ABCC1: variants seen among roughly 807,000 people sequenced by gnomAD.
ABCC1 encodes multidrug resistance-associated protein 1.
Under a neutral mutation model 172.9 loss-of-function variants are expected in ABCC1, and 83 were observed. That is an observed-to-expected ratio of 0.48 (90% confidence interval 0.40 to 0.58). ABCC1 has a LOEUF of 0.58. Among genes scored for constraint, ABCC1 ranks in the 20% least tolerant of loss-of-function variants. The pLI, the probability that ABCC1 is intolerant of heterozygous loss-of-function variation, is 0.00. For missense variants in ABCC1, 1,817 were observed against 2,002.7 expected (o/e 0.91, Z 1.77); for synonymous variants, 937 against 825.2 (o/e 1.14, Z -2.32).
At chr16:16,123,971 C>G (rs979420103) in intron 24 of ABCC1, among the ~76,000 whole-genome samples, 1 of 152,160 alleles carries the variant, frequency 6.6e-6, no homozygotes, top group African/African-American at 2.4e-5. Context: ...GAGCTGTGAT[C>G]ATGTCATCCA....
chr16:16,094,001 T>A (rs962840348), intron 19 of ABCC1, among the ~76,000 whole-genome samples: 10 of 120,540 alleles, frequency 8.3e-5, no homozygotes, highest in Admixed American at 1.7e-4. Context: ...TTTTTTTTTT[T>A]AACTTTTAAT....
intron 19 of ABCC1, among the ~76,000 whole-genome samples, chr16:16,101,815 T>C (rs1800528390): frequency 6.6e-6 from 1 of 152,232 alleles, no homozygotes; most frequent in Admixed American, 6.5e-5. Flanking sequence ...TTGTCATTGT[T>C]GATGTTCCGG....
chr16:16,043,365 C>G (rs1320766674), intron 7 of ABCC1, among the ~76,000 whole-genome samples: 1 of 151,082 alleles, frequency 6.6e-6, no homozygotes, highest in African/African-American at 2.4e-5. Context: ...ATGGTGTGGT[C>G]TCAGCTCACC....
intron 1 of ABCC1, among the ~76,000 whole-genome samples, chr16:15,974,186 A>T (rs1436935884): frequency 1.3e-5 from 2 of 152,160 alleles, no homozygotes; most frequent in Non-Finnish European, 2.9e-5. Context: ...CTTGGTGACC[A>T]CATGCTTTGG....
At chr16:16,010,228 A>G (rs2047727429) in intron 3 of ABCC1, among the ~76,000 whole-genome samples, 1 of 151,030 alleles carries the variant, frequency 6.6e-6, no homozygotes, top group African/African-American at 2.4e-5. Flanking sequence ...CTAATTTTAA[A>G]TTTTTCTGTA....
intron 12 of ABCC1, among the ~76,000 whole-genome samples, chr16:16,064,209 C>T (rs1223620235): frequency 6.6e-6 from 1 of 152,160 alleles, no homozygotes; most frequent in East Asian, 1.9e-4. Flanking sequence ...GGGACAGGTG[C>T]TCCTCACTGT....
At chr16:16,102,536 C>G (rs1213536250) in intron 19 of ABCC1, 91 bp from the exon 20 acceptor site, 2 of 1,163,078 alleles carry the variant, frequency 1.7e-6, no homozygotes, top group African/African-American at 3.1e-5. Flanking sequence ...GCTCTGTGGT[C>G]TCCTCACTGA....
chr16:16,039,269 T>TTTC (rs1376972857), intron 7 of ABCC1, among the ~76,000 whole-genome samples: 1,107 of 109,408 alleles, frequency 0.01, 30 homozygotes, highest in African/African-American at 0.049. Context: ...GTGTTTTCTT[T>TTTC]TTTTTTTTTT....
At position 16,106,633 on chromosome 16, in the gene ABCC1, C is replaced by T. The variant is rs1164573037; in HGVS notation, c.2736-105C>T. The stretch of plus-strand genomic sequence containing the variant: ...ATGTGTGCATGTGGAAACACTCCGT[C>T]TCTTATGCCATGGTTCAGACCCACA... On this transcript the variant is annotated intron_variant, in intron 20 of 30. Coordinates refer to ENST00000399410, the MANE Select transcript of ABCC1 (RefSeq NM_004996.4). 15 of 1,407,038 alleles carry T rather than the reference C, an allele frequency of 1.1e-5. 1 individual carries two copies. The East Asian group carries it at 1.4e-4, about 13-fold the overall frequency. 87.2% of individuals were successfully genotyped at this position (1,407,038 alleles called of 1,614,324 possible).
In ABCC1 at chr16:15,975,963, A is replaced by G. The variant is rs2046482368; in HGVS notation, c.48+26164A>G. Among the ~76,000 whole-genome samples the G allele has an allele frequency of 2.0e-5, 3 of 152,222 alleles. No homozygotes were observed. In the South Asian group the frequency reaches 6.2e-4, roughly 32 times the overall value. On this transcript the variant is annotated intron_variant, in intron 1 of 30. Transcript: ENST00000399410. ...GGGAAATGACAGGTAGGAGAGAAAG[A>G]GACACTTAGAACTCAACAGAGGCCA...
Position 16,007,895 on chromosome 16 carries a change from GTT to G in ABCC1, c.132_133del (p.Phe44LeufsTer17). Reference sequence around the variant, plus strand: ...AACACGGTCCTCGTGTGGGTGCCTTGTTTTTACCTCTGGGCCTGTTTCCCCTT... The same window carrying G: ...AACACGGTCCTCGTGTGGGTGCCTTGTTTACCTCTGGGCCTGTTTCCCCTT... On this transcript the variant is annotated frameshift_variant, in exon 2 of 31. Coordinates refer to ENST00000399410, the MANE Select transcript of ABCC1 (RefSeq NM_004996.4). LOFTEE classifies it high-confidence loss of function. The G allele has an allele frequency of 6.2e-7, 1 of 1,613,586 alleles. No homozygotes were observed.
At chr16:16,081,026 C>A (rs1401695832) in intron 16 of ABCC1, among the ~76,000 whole-genome samples, 1 of 152,116 alleles carries the variant, frequency 6.6e-6, no homozygotes, top group Non-Finnish European at 1.5e-5. Flanking sequence ...CATTACTGCA[C>A]CCGGCTAATT....
intron 14 of ABCC1, 27 bp downstream of exon 14, chr16:16,071,756 T>C (rs1273224131): frequency 6.3e-7 from 1 of 1,599,748 alleles, no homozygotes; most frequent in Middle Eastern, 1.7e-4. Flanking sequence ...TCCTGGCTTC[T>C]GGAAGTGGCC....
In ABCC1 at chr16:16,044,686, ACC is replaced by A; in HGVS notation, c.1040+9_1040+10del. On this transcript the variant is annotated splice_region_variant and intron_variant, in intron 8 of 30. Transcript: ENST00000399410. Reference sequence around the variant, plus strand: ...TCCGGGCCGCAGATCTTAAAGTAAGACCCCTTCCCTCCCAGGTGGGCTCCATT... The same window carrying A: ...TCCGGGCCGCAGATCTTAAAGTAAGACCTTCCCTCCCAGGTGGGCTCCATT... 1 of 1,611,652 alleles carries A rather than the reference ACC, an allele frequency of 6.2e-7. No individual in the cohort carries two copies. The highest frequency in any genetic ancestry group is 1.3e-5 in the African/African-American group (1 of 74,790).
chr16:16,026,918 A>G (rs774192664), intron 5 of ABCC1, among the ~76,000 whole-genome samples: 5 of 152,142 alleles, frequency 3.3e-5, no homozygotes, highest in Non-Finnish European at 5.9e-5. Flanking sequence ...CTCAGTCTCA[A>G]AACACAAAAA....
intron 21 of ABCC1, among the ~76,000 whole-genome samples, chr16:16,110,143 T>C (rs1401548101): frequency 6.6e-6 from 1 of 151,852 alleles, no homozygotes; most frequent in African/African-American, 2.4e-5. Flanking sequence ...TCTCCCTCTG[T>C]CACCCAGGCT....
chr16:15,997,267 A>G (rs1597088380), intron 1 of ABCC1, among the ~76,000 whole-genome samples: 1 of 151,818 alleles, frequency 6.6e-6, no homozygotes, highest in East Asian at 1.9e-4. Context: ...ATTTTTTTGT[A>G]TTTTTAGTAG....
chr16:15,998,136 C>T lies in ABCC1; in HGVS notation c.49-9680C>T, dbSNP rs1035796461. ...TGCGCCCAGTCCCGATACTTTGTTTCTTTGAGACAGTCTCTTACTCTGTCA... is the reference window on the plus strand; with the variant it reads ...TGCGCCCAGTCCCGATACTTTGTTTTTTTGAGACAGTCTCTTACTCTGTCA... On this transcript the variant is annotated intron_variant, in intron 1 of 30. Coordinates refer to ENST00000399410, the MANE Select transcript of ABCC1 (RefSeq NM_004996.4). Among the ~76,000 whole-genome samples the T allele has an allele frequency of 6.3e-4, 93 of 146,540 alleles. 1 individual carries two copies. Among genetic ancestry groups the T allele is most frequent in the Non-Finnish European group, 3.0e-4 (20 of 66,568 alleles).
intron 12 of ABCC1, among the ~76,000 whole-genome samples, chr16:16,058,845 G>A (rs2049786473): frequency 6.6e-6 from 1 of 151,648 alleles, no homozygotes; most frequent in East Asian, 1.9e-4. Flanking sequence ...GTGTAGAGAT[G>A]GTGTTTCACC....
Sources: gnomAD v4.1 joint callset for allele counts (sites outside exome capture counted in the v4.1 genomes callset) on GRCh38, gnomAD v4.1.1 for gene constraint, MANE v1.5 for transcripts, NCBI Gene and HGNC (gene_info 2026-07-23, HGNC 2026-07-21) for gene names.